COL4A6: variants seen among roughly 807,000 people sequenced by gnomAD.
COL4A6 encodes the protein collagen alpha-6(IV) chain.
Under a neutral mutation model 126.7 loss-of-function variants are expected in COL4A6, and 59 were observed. The ratio of observed to expected loss-of-function variants is 0.47; its 90% CI spans 0.38 to 0.58. The LOEUF is 0.58. Among genes scored for constraint, COL4A6 ranks in the 20% least tolerant of loss-of-function variants. The pLI is 0.00. For missense variants in COL4A6, 1,285 were observed against 1,337.3 expected (o/e 0.96, Z 0.61); for synonymous variants, 547 against 496.6 (o/e 1.10, Z -1.35).
At chrX:108,266,561 A>G (rs993955927) in intron 3 of COL4A6, among the ~76,000 whole-genome samples, 2 of 111,756 alleles carry the variant, frequency 1.8e-5, no homozygotes, top group African/African-American at 3.3e-5. Flanking sequence ...AAAGCTCAAT[A>G]AAGACATGCC....
At chrX:108,360,903 G>T (rs1278404890) in intron 2 of COL4A6, among the ~76,000 whole-genome samples, 1 of 110,620 alleles carries the variant, frequency 9.0e-6, no homozygotes, top group Non-Finnish European at 1.9e-5. Flanking sequence ...AAGCAAGGAG[G>T]AATGGGAATG....
chrX:108,391,904 G>A (rs1338416475), intron 2 of COL4A6, among the ~76,000 whole-genome samples: 3 of 112,119 alleles, frequency 2.7e-5, no homozygotes, highest in Non-Finnish European at 5.6e-5. Flanking sequence ...GAAATCACTC[G>A]CCTTCTGCAT....
intron 3 of COL4A6, among the ~76,000 whole-genome samples, chrX:108,264,375 T>C (rs1188811828): frequency 8.9e-6 from 1 of 112,112 alleles, no homozygotes; most frequent in Non-Finnish European, 1.9e-5. Flanking sequence ...AAATCCCTGA[T>C]GGGATCCTCT....
intron 3 of COL4A6, among the ~76,000 whole-genome samples, chrX:108,253,877 A>G (rs929959133): frequency 8.9e-6 from 1 of 111,858 alleles, no homozygotes; most frequent in African/African-American, 3.2e-5. Flanking sequence ...TTACTTTATT[A>G]AGGCATTTGT....
chrX:108,242,570 T>A lies in COL4A6; in HGVS notation c.145-21196A>T, dbSNP rs73253671. 2.6e-3 allele frequency among the ~76,000 whole-genome samples: 297 copies of A among 112,081 alleles called. 2 individuals are homozygous for A. Among genetic ancestry groups the A allele is most frequent in the South Asian group, 9.0e-3 (24 of 2,671 alleles). On this transcript the variant is annotated intron_variant, in intron 3 of 44. Coordinates refer to ENST00000334504, the MANE Select transcript of COL4A6 (RefSeq NM_033641.4). ...TAATAAGCTAAGCAACCTATTTGAG[T>A]GAAATCTATAGCCTGAACAAGAAGC...
In COL4A6 at chrX:108,389,962, G is replaced by A. The variant is rs745344581; in HGVS notation, c.63+47980C>T. ...CTCTCAGCATTTGCTTGTCTGTAAA[G>A]GATTTTATTTCTCCTTCACTTATGA... On this transcript the variant is annotated intron_variant, in intron 2 of 44. Transcript: ENST00000334504. Among the ~76,000 whole-genome samples, 4 of 111,557 alleles carry A rather than the reference G, an allele frequency of 3.6e-5. No homozygotes were observed. The East Asian group carries it at 1.1e-3, about 31-fold the overall frequency.
At chrX:108,414,811 G>T (rs1199285012) in intron 2 of COL4A6, among the ~76,000 whole-genome samples, 1 of 110,142 alleles carries the variant, frequency 9.1e-6, no homozygotes, top group Non-Finnish European at 1.9e-5. Context: ...AAGAATAAAA[G>T]AAAAAATAAT....
Position 108,157,221 on chromosome X carries a change from C to T in COL4A6, c.4852G>A (p.Val1618Ile). Residue 1618 changes from valine to isoleucine, a missense_variant, in exon 45 of 45, where the codon GTC becomes ATC. Coordinates refer to ENST00000334504, the MANE Select transcript of COL4A6 (RefSeq NM_033641.4). ...TCCTCTAGGCAGGAGCCAGGTGAGA[C>T]CAGGGACTGGCCTCCACCCTCGGCA... is the stretch of plus-strand genomic sequence containing the variant. ...AGAEGGGQSLVSPGSCLEDFR... is the reference protein window; with the variant it reads ...AGAEGGGQSLISPGSCLEDFR... 3 of 1,211,746 alleles carry T rather than the reference C, an allele frequency of 2.5e-6. No individual in the cohort carries two copies. Among genetic ancestry groups the T allele is most frequent in the Non-Finnish European group, 3.4e-6 (3 of 895,391 alleles).
intron 3 of COL4A6, among the ~76,000 whole-genome samples, chrX:108,302,838 C>T (rs1400142829): frequency 1.8e-5 from 2 of 111,228 alleles, no homozygotes; most frequent in Admixed American, 9.6e-5. Context: ...TAATAATAGT[C>T]TAATACATAG....
intron 2 of COL4A6, among the ~76,000 whole-genome samples, chrX:108,336,199 T>C (rs911071367): frequency 4.5e-5 from 5 of 111,768 alleles, no homozygotes; most frequent in African/African-American, 1.6e-4. Flanking sequence ...ATAGCAGCTC[T>C]ATTCACAATA....
Position 108,187,193 on chromosome X carries a change from TG to T in COL4A6, c.1853del (p.Pro618GlnfsTer119). The part of the protein sequence containing the change: ...EKGHPGPPGL[P>X]GNGLPGLPGP... Reference sequence around the variant, plus strand: ...CAGGAAGTCCTGGTAACCCATTTCCTGGGAGGCCAGGTGGACCAGGATGGCC... The same window carrying T: ...CAGGAAGTCCTGGTAACCCATTTCCTGGAGGCCAGGTGGACCAGGATGGCC... On this transcript the variant is annotated frameshift_variant, in exon 23 of 45. Transcript: ENST00000334504. LOFTEE classifies it high-confidence loss of function. 8.4e-7 allele frequency: 1 copy of T among 1,197,387 alleles called. No individual in the cohort carries two copies. The highest frequency in any genetic ancestry group is 1.1e-6 in the Non-Finnish European group (1 of 886,548).
intron 3 of COL4A6, among the ~76,000 whole-genome samples, chrX:108,248,895 T>C (rs983465148): frequency 9.1e-6 from 1 of 109,723 alleles, no homozygotes; most frequent in African/African-American, 3.3e-5. Context: ...TAGATTCTCA[T>C]AGGAGCGCAA....
At position 108,156,739 on chromosome X, in the gene COL4A6, T is replaced by A. The variant is rs916311572; in HGVS notation, c.*261A>T. ...CCATCAAATCTTTCTGAGGTAGCCATGAATAGTCACACAATCATCCAAATC... is the reference window on the plus strand; with the variant it reads ...CCATCAAATCTTTCTGAGGTAGCCAAGAATAGTCACACAATCATCCAAATC... On this transcript the variant is annotated 3_prime_UTR_variant, in exon 45 of 45. Transcript: ENST00000334504. The A allele has an allele frequency of 5.1e-6, 2 of 395,780 alleles. No homozygotes were observed. Among genetic ancestry groups the A allele is most frequent in the Non-Finnish European group, 8.7e-6 (2 of 228,795 alleles). 32.6% of individuals were successfully genotyped at this position (395,780 alleles called of 1,213,427 possible).
chrX:108,351,023 T>C (rs1212719802), intron 2 of COL4A6, among the ~76,000 whole-genome samples: 4 of 111,489 alleles, frequency 3.6e-5, no homozygotes, highest in Non-Finnish European at 7.5e-5. Flanking sequence ...GCTTCTGTTC[T>C]GGCATTTAAT....
At chrX:108,313,560 G>T (rs1225210635) in intron 2 of COL4A6, among the ~76,000 whole-genome samples, 1 of 111,020 alleles carries the variant, frequency 9.0e-6, no homozygotes, top group East Asian at 2.8e-4. Context: ...GTGCAGGTTT[G>T]TTACATATGT....
intron 2 of COL4A6, among the ~76,000 whole-genome samples, chrX:108,402,292 T>C (rs944599903): frequency 8.9e-6 from 1 of 111,870 alleles, no homozygotes; most frequent in Non-Finnish European, 1.9e-5. Context: ...CAAAATTTAA[T>C]GGCATAAAGT....
intron 3 of COL4A6, among the ~76,000 whole-genome samples, chrX:108,233,765 G>C (rs2036369209): frequency 8.9e-6 from 1 of 111,885 alleles, no homozygotes; most frequent in African/African-American, 3.2e-5. Context: ...ATATAATCAT[G>C]GATTATCATA....
At chrX:108,188,737 A>C in intron 20 of COL4A6, 60 bp from the exon 21 acceptor site, 4 of 1,014,448 alleles carry the variant, frequency 3.9e-6, no homozygotes, top group Non-Finnish European at 5.2e-6. Context: ...AGAATAAAGA[A>C]TTGATCATGG....
intron 2 of COL4A6, among the ~76,000 whole-genome samples, chrX:108,395,637 A>G (rs2040947814): frequency 8.9e-6 from 1 of 112,043 alleles, no homozygotes; most frequent in South Asian, 3.7e-4. Flanking sequence ...TAACTTTTCT[A>G]TGTGCCCTGA....
Sources: gnomAD v4.1 joint callset for allele counts (sites outside exome capture counted in the v4.1 genomes callset) on GRCh38, gnomAD v4.1.1 for gene constraint, MANE v1.5 for transcripts, NCBI Gene and HGNC (gene_info 2026-07-23, HGNC 2026-07-21) for gene names.